Variants in LAMA1 observed in about 807,000 individuals in gnomAD.
The protein encoded by LAMA1 is laminin subunit alpha 1, also known as laminin subunit alpha-1.
LAMA1 carries 219 observed loss-of-function variants against 348.7 expected under a neutral mutation model. That is an observed-to-expected ratio of 0.63 (90% CI 0.56 to 0.70). The LOEUF (loss-of-function observed/expected upper bound fraction) is 0.70. LAMA1 is among the 30% of genes least tolerant of loss of function. The pLI is 0.00. For missense variants in LAMA1, 3,744 were observed against 3,888.0 expected (o/e 0.96, Z 0.99); for synonymous variants, 1,487 against 1,491.0 (o/e 1.00, Z 0.06).
intron 50 of LAMA1, 108 bp downstream of exon 50, chr18:6,965,180 T>A (rs2057626936): frequency 1.4e-6 from 2 of 1,389,886 alleles, no homozygotes; most frequent in African/African-American, 2.9e-5. Flanking sequence ...AAGTAGACTA[T>A]CATTCAATAC....
chr18:7,066,659 TG>T (rs915409207), intron 3 of LAMA1, among the ~76,000 whole-genome samples: 2 of 152,308 alleles, frequency 1.3e-5, no homozygotes, highest in African/African-American at 4.8e-5. Context: ...AGTGACATAA[TG>T]TGACAACTCA....
rs556159072 is a variant in LAMA1, at chr18:7,107,706, C to T, written c.61+9954G>A. 1.5e-4 allele frequency among the ~76,000 whole-genome samples: 23 copies of T among 152,298 alleles called. No homozygotes were observed. The South Asian group carries it at 2.3e-3, about 15-fold the overall frequency. ...TACTCCTATAAGGAAATACTATTCT[C>T]CTCTCCAATGAGGTGTTAACTCTAA... On this transcript the variant is annotated intron_variant, in intron 1 of 62. Coordinates refer to ENST00000389658, the MANE Select transcript of LAMA1 (RefSeq NM_005559.4).
chr18:7,110,138 G>A (rs965091025), intron 1 of LAMA1, among the ~76,000 whole-genome samples: 1 of 151,314 alleles, frequency 6.6e-6, no homozygotes, highest in African/African-American at 2.4e-5. Context: ...CCGAGATCAC[G>A]CTACTGCACT....
At position 6,961,591 on chromosome 18, in the gene LAMA1, G is replaced by A. The variant is rs1302719976; in HGVS notation, c.7621C>T (p.His2541Tyr). The change falls in exon 53 of 63, where the codon CAC becomes TAC. Residue 2541 changes from histidine to tyrosine, a missense_variant. Around this residue, in one of 3 missense-constraint regions of LAMA1, gnomAD observed 1,983 missense variants for 1,934.3 expected, o/e 1.03. Coordinates refer to ENST00000389658, the MANE Select transcript of LAMA1 (RefSeq NM_005559.4). Reference sequence around the variant, plus strand: ...GGAGCACTGGCCCTACTCACCACGTGTGCTTCCTCACGATCACCCCGCTTC... The same window carrying A: ...GGAGCACTGGCCCTACTCACCACGTATGCTTCCTCACGATCACCCCGCTTC... ...VEKRGDREEA[H>Y]VPFFSVMLIG... 3 of 1,613,242 alleles carry A rather than the reference G, an allele frequency of 1.9e-6. No individual in the cohort carries two copies. Among genetic ancestry groups the A allele is most frequent in the Non-Finnish European group, 2.5e-6 (3 of 1,180,042 alleles).
At chr18:6,980,490 T>A (rs1411261371) in intron 42 of LAMA1, 31 bp downstream of exon 42, 5 of 1,263,322 alleles carry the variant, frequency 4.0e-6, no homozygotes, top group Non-Finnish European at 5.8e-6. Flanking sequence ...TGAGAAGACG[T>A]TATTTACAGA....
chr18:7,106,668 T>C (rs2143828889), intron 1 of LAMA1, among the ~76,000 whole-genome samples: 1 of 151,920 alleles, frequency 6.6e-6, no homozygotes, highest in Non-Finnish European at 1.5e-5. Context: ...CCAGAAGCAT[T>C]TTTAAAATGC....
rs928227051 is a variant in LAMA1, at chr18:6,996,582, G to C, written c.4807-1136C>G. 1.4e-4 allele frequency among the ~76,000 whole-genome samples: 21 copies of C among 152,006 alleles called. 1 individual carries two copies. The highest frequency in any genetic ancestry group is 1.2e-3 in the Admixed American group (18 of 15,254). ...GAGCTTAGGAGTTCAAGACCAGCCT[G>C]CACAACATAGTGAGAGCTCATCTCT... On this transcript the variant is annotated intron_variant, in intron 33 of 62. Coordinates refer to ENST00000389658, the MANE Select transcript of LAMA1 (RefSeq NM_005559.4).
chr18:7,020,291 G>A (rs1424145193), intron 19 of LAMA1, among the ~76,000 whole-genome samples: 1 of 152,144 alleles, frequency 6.6e-6, no homozygotes, highest in Non-Finnish European at 1.5e-5. Flanking sequence ...CTGACGATCA[G>A]TTTCTCCTCC....
intron 12 of LAMA1, 65 bp downstream of exon 12, chr18:7,037,513 A>G: frequency 1.3e-6 from 2 of 1,586,642 alleles, no homozygotes; most frequent in Non-Finnish European, 1.7e-6. Context: ...AGGCAGCGCA[A>G]GTTCTTTCTC....
In LAMA1 at chr18:6,976,082, T is replaced by C. The variant is rs1336274316; in HGVS notation, c.6346-2A>G. 1.2e-6 allele frequency: 2 copies of C among 1,613,966 alleles called. No homozygotes were observed. The highest frequency in any genetic ancestry group is 1.7e-6 in the Non-Finnish European group (2 of 1,179,974). On this transcript the variant is annotated splice_acceptor_variant, in intron 44 of 62. Transcript: ENST00000389658. LOFTEE classifies it high-confidence loss of function. ...GTCTGCAGACACGGCGACTTTAATC[T>C]GTAGAAGGAAAATGAAAGTGTCCCC...
Position 7,017,363 on chromosome 18 carries a change from C to T in LAMA1, c.2723G>A (p.Gly908Asp). The change falls in exon 20 of 63, where the codon GGC becomes GAC. Residue 908 changes from glycine to aspartate, a missense_variant. Physicochemically the swap from Gly to Asp is moderately conservative, Grantham distance 94. Transcript: ENST00000389658. ...NCRACECHVKGSHSAVCHLET... is the reference protein window; with the variant it reads ...NCRACECHVKDSHSAVCHLET... ...AAGATGGCACACGGCAGAATGGGAG[C>T]CTTTCACATGGCATTCACAGGCTAA... 6.2e-7 allele frequency: 1 copy of T among 1,613,812 alleles called. No individual in the cohort carries two copies. Among genetic ancestry groups the T allele is most frequent in the Non-Finnish European group, 8.5e-7 (1 of 1,179,926 alleles).
intron 5 of LAMA1, among the ~76,000 whole-genome samples, chr18:7,048,614 T>C (rs911892187): frequency 6.6e-6 from 1 of 152,180 alleles, no homozygotes; most frequent in African/African-American, 2.4e-5. Flanking sequence ...CCAGCTACCC[T>C]ATAACTTAGT....
In LAMA1 at chr18:7,008,627, A is replaced by C; in HGVS notation, c.4002-19T>G. ...TGAGATTCTGTGCAGCCATCATGTTAAGAGAGGAAACGCTAACATTTGAAA... is the reference window on the plus strand; with the variant it reads ...TGAGATTCTGTGCAGCCATCATGTTCAGAGAGGAAACGCTAACATTTGAAA... On this transcript the variant is annotated intron_variant, in intron 27 of 62. Transcript: ENST00000389658. 1 of 1,613,490 alleles carries C rather than the reference A, an allele frequency of 6.2e-7. No individual in the cohort carries two copies. Among genetic ancestry groups the C allele is most frequent in the Non-Finnish European group, 8.5e-7 (1 of 1,179,750 alleles).
intron 48 of LAMA1, among the ~76,000 whole-genome samples, chr18:6,967,177 A>C (rs993788937): frequency 2.0e-5 from 3 of 152,196 alleles, no homozygotes; most frequent in African/African-American, 4.8e-5. Flanking sequence ...AAAACAAAAA[A>C]TAGTGCTTTG....
intron 3 of LAMA1, among the ~76,000 whole-genome samples, chr18:7,066,702 T>C (rs902725622): frequency 9.2e-5 from 14 of 152,134 alleles, no homozygotes; most frequent in African/African-American, 3.4e-4. Flanking sequence ...GCTATTCAAT[T>C]AGCATAGGAC....
intron 11 of LAMA1, 83 bp from the exon 12 acceptor site, chr18:7,037,834 A>C: frequency 7.2e-7 from 1 of 1,383,690 alleles, no homozygotes; most frequent in Non-Finnish European, 1.0e-6. Context: ...TATTTTCACA[A>C]TGAAGAAATG....
chr18:7,050,773 C>T lies in LAMA1; in HGVS notation c.509G>A (p.Gly170Glu). Residue 170 changes from glycine to glutamate, a missense_variant, in exon 4 of 63, where the codon GGG becomes GAG. Around this residue, in one of 3 missense-constraint regions of LAMA1, gnomAD observed 1,529 missense variants for 1,689.4 expected, o/e 0.91. Transcript: ENST00000389658. Reference sequence around the variant, plus strand: ...ATCATCAGCCCTGTAGGTGGGTGGCCCTCGTCTTGGAGTTATATTGTAACG... The same window carrying T: ...ATCATCAGCCCTGTAGGTGGGTGGCTCTCGTCTTGGAGTTATATTGTAACG... ...LSRYNITPRR[G>E]PPTYRADDEV... 1 of 1,614,074 alleles carries T rather than the reference C, an allele frequency of 6.2e-7. No homozygotes were observed. The highest frequency in any genetic ancestry group is 8.5e-7 in the Non-Finnish European group (1 of 1,180,012).
At chr18:7,039,892 C>A (rs993385167) in intron 10 of LAMA1, among the ~76,000 whole-genome samples, 184 bp downstream of exon 10, 1 of 152,132 alleles carries the variant, frequency 6.6e-6, no homozygotes, top group East Asian at 1.9e-4. Flanking sequence ...AAGCCAGATG[C>A]CCATGTGAGT....
chr18:7,004,378 G>C (rs773645527), intron 29 of LAMA1, among the ~76,000 whole-genome samples: 6 of 152,000 alleles, frequency 3.9e-5, no homozygotes, highest in Non-Finnish European at 8.8e-5. Flanking sequence ...TTGAGGTGGA[G>C]TTTCGCTCCT....
Sources: allele counts gnomAD v4.1 joint callset (sites outside exome capture counted in the v4.1 genomes callset), GRCh38; gene constraint gnomAD v4.1.1; regional missense constraint gnomAD v4.1.1; transcripts MANE v1.5; gene names NCBI Gene and HGNC (gene_info 2026-07-23, HGNC 2026-07-21).